The following BOLL variants were observed in gnomAD, a reference collection of about 807,000 sequenced individuals.
BOLL encodes the protein protein boule-like.
Under a neutral mutation model 44.4 loss-of-function variants are expected in BOLL, and 23 were observed. The ratio of observed to expected loss-of-function variants is 0.52; its 90% CI spans 0.37 to 0.73. The LOEUF (loss-of-function observed/expected upper bound fraction) is 0.73, where lower values mean the gene tolerates loss of function less well. Ranked by LOEUF, BOLL falls within the 30% of genes least tolerant of loss-of-function variation. The pLI is 0.00. For synonymous variants in BOLL, 97 were observed against 110.8 expected, an observed-to-expected ratio of 0.88 and a Z score of 0.78; for missense variants, 287 against 338.3, an observed-to-expected ratio of 0.85 and a Z score of 1.19.
At chr2:197,731,022 T>C (rs1481528412) in intron 10 of BOLL, among the ~76,000 whole-genome samples, 1 of 151,942 alleles carries the variant, frequency 6.6e-6, no homozygotes, top group Admixed American at 6.6e-5. Context: ...GACTGGCAAA[T>C]TGGATAAAGA....
chr2:197,781,349 T>G (rs1449375916), intron 2 of BOLL, among the ~76,000 whole-genome samples: 1 of 151,840 alleles, frequency 6.6e-6, no homozygotes, highest in Non-Finnish European at 1.5e-5. Context: ...AAAAATAGAG[T>G]CTCTTTTGAA....
intron 6 of BOLL, among the ~76,000 whole-genome samples, chr2:197,768,030 G>A (rs944573203): frequency 2.0e-5 from 3 of 151,960 alleles, no homozygotes; most frequent in Admixed American, 2.0e-4. Context: ...GTGTAAATGA[G>A]AGTTTGGCAG....
chr2:197,751,945 A>G (rs968153571), intron 9 of BOLL, among the ~76,000 whole-genome samples: 2 of 152,174 alleles, frequency 1.3e-5, no homozygotes, highest in Admixed American at 1.3e-4. Flanking sequence ...CAAAAATCTT[A>G]TTCAGCACCG....
chr2:197,755,462 T>C (rs1688467710), intron 9 of BOLL, among the ~76,000 whole-genome samples: 1 of 152,220 alleles, frequency 6.6e-6, no homozygotes, highest in Non-Finnish European at 1.5e-5. Context: ...ATTGCAGCAC[T>C]ATTCACAATA....
At chr2:197,749,994 A>G (rs538628133) in intron 9 of BOLL, among the ~76,000 whole-genome samples, 1 of 152,286 alleles carries the variant, frequency 6.6e-6, no homozygotes, top group East Asian at 1.9e-4. Flanking sequence ...GCCAATATTC[A>G]ACATTCTTAA....
intron 9 of BOLL, among the ~76,000 whole-genome samples, chr2:197,747,280 C>T (rs1045439740): frequency 1.3e-5 from 2 of 151,790 alleles, no homozygotes; most frequent in Non-Finnish European, 2.9e-5. Flanking sequence ...AAAAAAGCAA[C>T]CATAAAAAAG....
chr2:197,774,060 G>T (rs951805924), intron 5 of BOLL: 2 of 459,170 alleles, frequency 4.4e-6, no homozygotes, highest in Non-Finnish European at 9.0e-6. Flanking sequence ...GCATTTGAAG[G>T]CTAGTGCTAC....
chr2:197,734,698 C>G (rs969745343), intron 10 of BOLL, among the ~76,000 whole-genome samples: 4 of 152,072 alleles, frequency 2.6e-5, no homozygotes, highest in Non-Finnish European at 4.4e-5. Flanking sequence ...TCTCAGCAAA[C>G]TATTGCAAGG....
At position 197,732,173 on chromosome 2, in the gene BOLL, T is replaced by A. The variant is rs902795081; in HGVS notation, c.829-3595A>T. 5.0e-4 allele frequency among the ~76,000 whole-genome samples: 76 copies of A among 150,546 alleles called. 1 individual carries two copies. Among genetic ancestry groups the A allele is most frequent in the Middle Eastern group, 3.4e-3 (1 of 292 alleles). Reference sequence around the variant, plus strand: ...AATACAAACTACCATCAGAGAATACTACAAACACCTCTACGCAAATAAACT... The same window carrying A: ...AATACAAACTACCATCAGAGAATACAACAAACACCTCTACGCAAATAAACT... On this transcript the variant is annotated intron_variant, in intron 10 of 10. Transcript: ENST00000392296.
intron 9 of BOLL, among the ~76,000 whole-genome samples, chr2:197,753,192 A>C (rs999036841): frequency 6.6e-6 from 1 of 152,260 alleles, no homozygotes; most frequent in Non-Finnish European, 1.5e-5. Context: ...AACTAAAACC[A>C]TAAAAATCCT....
intron 7 of BOLL, chr2:197,758,935 A>T: frequency 6.5e-7 from 1 of 1,535,346 alleles, no homozygotes. Context: ...AGGGGAGCAA[A>T]ACTGACCTCA....
At chr2:197,764,313 G>GA (rs1478034251) in intron 7 of BOLL, among the ~76,000 whole-genome samples, 3 of 151,972 alleles carry the variant, frequency 2.0e-5, no homozygotes, top group Admixed American at 6.6e-5. Context: ...GATGAATAAA[G>GA]AAAATATGGT....
In BOLL at chr2:197,759,011, G is replaced by A. The variant is rs187292040; in HGVS notation, c.553-1611C>T. 1,567 of 1,534,682 alleles carry A rather than the reference G, an allele frequency of 1.0e-3. 10 individuals are homozygous for A. The African/African-American group carries it at 0.018, about 18-fold the overall frequency. ...TTGTATGACATTGTTTAATTCCCTC[G>A]TAAAAAAAGAGAGGCATGATGTCAG... On this transcript the variant is annotated intron_variant, in intron 7 of 10. Coordinates refer to ENST00000392296, the MANE Select transcript of BOLL (RefSeq NM_033030.6).
intron 9 of BOLL, among the ~76,000 whole-genome samples, chr2:197,748,828 C>G (rs1198919310): frequency 1.3e-5 from 2 of 152,230 alleles, no homozygotes; most frequent in South Asian, 4.1e-4. Flanking sequence ...CTTAAATGTT[C>G]CTGCCTGCCG....
intron 2 of BOLL, among the ~76,000 whole-genome samples, chr2:197,780,311 T>C (rs1379660994): frequency 6.6e-6 from 1 of 152,078 alleles, no homozygotes; most frequent in African/African-American, 2.4e-5. Flanking sequence ...GGCCTTTATC[T>C]GTGGTTTTGA....
intron 10 of BOLL, among the ~76,000 whole-genome samples, chr2:197,736,497 T>G (rs1687499072): frequency 6.6e-6 from 1 of 152,114 alleles, no homozygotes; most frequent in South Asian, 2.1e-4. Context: ...GAATGCTAAT[T>G]TCTTCGTTTT....
chr2:197,776,852 C>T (rs554847383), intron 4 of BOLL, among the ~76,000 whole-genome samples: 28 of 151,904 alleles, frequency 1.8e-4, no homozygotes, highest in African/African-American at 5.5e-4. Context: ...GTAAATAAAG[C>T]GAAACATTAT....
intron 10 of BOLL, among the ~76,000 whole-genome samples, chr2:197,735,572 G>A (rs961887474): frequency 6.6e-6 from 1 of 152,100 alleles, no homozygotes; most frequent in Non-Finnish European, 1.5e-5. Flanking sequence ...TTAGACGACT[G>A]TACTGATGTT....
chr2:197,768,064 T>C lies in BOLL; in HGVS notation c.481-1461A>G, dbSNP rs111661660. 6.1e-3 allele frequency among the ~76,000 whole-genome samples: 924 copies of C among 152,148 alleles called. 16 individuals are homozygous for C. Among genetic ancestry groups the C allele is most frequent in the African/African-American group, 0.021 (864 of 41,550 alleles). ...AGGGTTACTGATAGATTATCACTAT[T>C]GAAAAATCAAGAGCATTACTATACA... On this transcript the variant is annotated intron_variant, in intron 6 of 10. Coordinates refer to ENST00000392296, the MANE Select transcript of BOLL (RefSeq NM_033030.6).
Sources: gnomAD v4.1 joint callset for allele counts (sites outside exome capture counted in the v4.1 genomes callset) on GRCh38, gnomAD v4.1.1 for gene constraint, MANE v1.5 for transcripts, NCBI Gene and HGNC (gene_info 2026-07-23, HGNC 2026-07-21) for gene names.